ANKS1B: variants seen among roughly 807,000 people sequenced by gnomAD.
The protein encoded by ANKS1B is ankyrin repeat and sterile alpha motif domain-containing protein 1B.
A neutral mutation model predicts 148.3 loss-of-function variants in ANKS1B; 36 were observed. That is an observed-to-expected ratio of 0.24 (90% CI 0.19 to 0.32). The LOEUF is 0.32. Among genes scored for constraint, ANKS1B ranks in the 10% least tolerant of loss-of-function variants. The pLI is 1.00. For synonymous variants in ANKS1B, 542 were observed against 560.8 expected, an observed-to-expected ratio of 0.97 and a Z score of 0.47; for missense variants, 1,157 against 1,542.6, an observed-to-expected ratio of 0.75 and a Z score of 4.19.
At chr12:99,670,896 T>C (rs1171684007) in intron 8 of ANKS1B, among the ~76,000 whole-genome samples, 5 of 152,114 alleles carry the variant, frequency 3.3e-5, no homozygotes, top group African/African-American at 1.2e-4. Context: ...GGTGGGGAGA[T>C]GGTACATGAA....
chr12:99,424,964 C>A (rs1457240983), intron 11 of ANKS1B, among the ~76,000 whole-genome samples: 2 of 151,976 alleles, frequency 1.3e-5, no homozygotes, highest in African/African-American at 2.4e-5. Flanking sequence ...TGTAACCAGC[C>A]GTTTCTGAAC....
chr12:99,398,560 A>G (rs1403914792), intron 12 of ANKS1B, among the ~76,000 whole-genome samples: 1 of 152,174 alleles, frequency 6.6e-6, no homozygotes, highest in Admixed American at 6.5e-5. Context: ...CATTCTTGTT[A>G]TACCCAACTA....
chr12:99,624,115 A>T (rs1225557914), intron 9 of ANKS1B, among the ~76,000 whole-genome samples: 1 of 152,272 alleles, frequency 6.6e-6, no homozygotes, highest in East Asian at 1.9e-4. Context: ...ATCTACAGTC[A>T]TCTGATTCTT....
At chr12:99,517,412 T>A (rs2096832338) in intron 9 of ANKS1B, among the ~76,000 whole-genome samples, 1 of 152,030 alleles carries the variant, frequency 6.6e-6, no homozygotes, top group African/African-American at 2.4e-5. Context: ...GTGGAGTCTT[T>A]AGGTTTTTCC....
intron 11 of ANKS1B, among the ~76,000 whole-genome samples, chr12:99,402,423 TA>T (rs1014444474): frequency 6.9e-5 from 10 of 145,744 alleles, no homozygotes; most frequent in Non-Finnish European, 3.0e-5. Context: ...GCCCAGGTAT[TA>T]AGCCTAGTAC....
intron 17 of ANKS1B, among the ~76,000 whole-genome samples, chr12:98,835,283 A>AT (rs1413178392): frequency 7.3e-5 from 11 of 150,436 alleles, no homozygotes; most frequent in Admixed American, 7.2e-4. Flanking sequence ...GAAGAAGTTA[A>AT]TGACAATTTC....
At chr12:99,810,387 T>G (rs1565771657) in intron 3 of ANKS1B, among the ~76,000 whole-genome samples, 1 of 151,832 alleles carries the variant, frequency 6.6e-6, no homozygotes, top group South Asian at 2.1e-4. Context: ...GAAGATTCTG[T>G]CCTATTCAGA....
At chr12:99,738,123 C>T (rs2059780428) in intron 8 of ANKS1B, among the ~76,000 whole-genome samples, 1 of 152,144 alleles carries the variant, frequency 6.6e-6, no homozygotes, top group South Asian at 2.1e-4. Flanking sequence ...TGAACACAGA[C>T]ATGGAATTTA....
At chr12:99,276,356 T>C (rs1405872916) in intron 12 of ANKS1B, among the ~76,000 whole-genome samples, 1 of 152,164 alleles carries the variant, frequency 6.6e-6, no homozygotes, top group Non-Finnish European at 1.5e-5. Context: ...GTGATGTATT[T>C]GGATATAGGC....
intron 8 of ANKS1B, among the ~76,000 whole-genome samples, chr12:99,663,742 A>T (rs932370634): frequency 3.3e-5 from 5 of 152,160 alleles, no homozygotes; most frequent in Non-Finnish European, 7.4e-5. Context: ...CATTTATTGA[A>T]GGACAGAATT....
At chr12:98,827,669 C>T (rs1321240336) in intron 19 of ANKS1B, among the ~76,000 whole-genome samples, 2 of 152,012 alleles carry the variant, frequency 1.3e-5, no homozygotes, top group African/African-American at 2.4e-5. Context: ...TTAAAAAAAC[C>T]CTGCAGTATA....
At chr12:99,282,004 A>G (rs906711951) in intron 12 of ANKS1B, among the ~76,000 whole-genome samples, 1 of 152,186 alleles carries the variant, frequency 6.6e-6, no homozygotes, top group African/African-American at 2.4e-5. Context: ...ATTACCTTTT[A>G]GTGGTGAGAG....
intron 19 of ANKS1B, among the ~76,000 whole-genome samples, chr12:98,824,180 T>TATGG (rs1264448591): frequency 6.6e-6 from 1 of 152,232 alleles, no homozygotes; most frequent in Non-Finnish European, 1.5e-5. Flanking sequence ...GGTAGAGAAA[T>TATGG]ATGGCATCCA....
chr12:98,736,468 C>T (rs750919636), intron 9 of ANKS1B, among the ~76,000 whole-genome samples: 1 of 152,122 alleles, frequency 6.6e-6, no homozygotes, highest in Non-Finnish European at 1.5e-5. Context: ...AGCAGCTTTG[C>T]GGACGCGGTA....
At chr12:98,974,543 A>G (rs1326071030) in intron 17 of ANKS1B, among the ~76,000 whole-genome samples, 1 of 152,130 alleles carries the variant, frequency 6.6e-6, no homozygotes, top group Non-Finnish European at 1.5e-5. Context: ...ATTGAAGGAG[A>G]AATAGTATAA....
chr12:99,799,067 C>T (rs189371386), intron 4 of ANKS1B, among the ~76,000 whole-genome samples: 2 of 152,184 alleles, frequency 1.3e-5, no homozygotes, highest in East Asian at 1.9e-4. Flanking sequence ...CTTTATTCCA[C>T]GCTTTATGAA....
chr12:99,434,219 A>C (rs1838844214), intron 11 of ANKS1B, among the ~76,000 whole-genome samples: 1 of 152,116 alleles, frequency 6.6e-6, no homozygotes, highest in South Asian at 2.1e-4. Flanking sequence ...TAAGTGACCT[A>C]AAGGGAAGGA....
In ANKS1B at chr12:98,832,021, G is replaced by A; in HGVS notation, c.2886+8C>T. 6.3e-7 allele frequency: 1 copy of A among 1,576,624 alleles called. No individual in the cohort carries two copies. The highest frequency in any genetic ancestry group is 8.6e-7 in the Non-Finnish European group (1 of 1,159,800). ...GCAGAGAACCAGATGAATGTGCTTG[G>A]CACTTACCCTGAGGGTGATGGACCG... On this transcript the variant is annotated splice_region_variant and intron_variant, in intron 18 of 26. Coordinates refer to ENST00000683438, the MANE Select transcript of ANKS1B (RefSeq NM_001352186.2).
chr12:99,057,950 G>A (rs112297803), intron 16 of ANKS1B, among the ~76,000 whole-genome samples: 55 of 152,296 alleles, frequency 3.6e-4, no homozygotes, highest in African/African-American at 1.1e-3. Flanking sequence ...GTTAGCTGAA[G>A]CACAGCAGAC....
Sources: gnomAD v4.1 joint callset for allele counts (sites outside exome capture counted in the v4.1 genomes callset) on GRCh38, gnomAD v4.1.1 for gene constraint, MANE v1.5 for transcripts, NCBI Gene and HGNC (gene_info 2026-07-23, HGNC 2026-07-21) for gene names.